Variants in NPAS3 observed in about 807,000 individuals in gnomAD.
NPAS3 encodes the protein neuronal PAS domain protein 3.
Under a neutral mutation model 73.1 loss-of-function variants are expected in NPAS3, and 14 were observed. That is an observed-to-expected ratio of 0.19 (90% confidence interval 0.13 to 0.30). NPAS3 has a LOEUF of 0.30. Ranked by LOEUF, NPAS3 falls within the 10% of genes least tolerant of loss-of-function variation. The pLI is 1.00. For missense variants in NPAS3, 1,096 were observed against 1,250.0 expected, an observed-to-expected ratio of 0.88 and a Z score of 1.86; for synonymous variants, 620 against 541.5, an observed-to-expected ratio of 1.14 and a Z score of -2.01.
intron 6 of NPAS3, among the ~76,000 whole-genome samples, chr14:33,723,982 C>T (rs750662909): frequency 4.6e-5 from 7 of 152,106 alleles, no homozygotes; most frequent in East Asian, 1.9e-4. Context: ...ATCTTTAGCA[C>T]GCGTAGCACG....
intron 2 of NPAS3, among the ~76,000 whole-genome samples, chr14:33,182,187 A>G (rs2045822244): frequency 6.6e-6 from 1 of 152,204 alleles, no homozygotes; most frequent in Non-Finnish European, 1.5e-5. Context: ...GAAGATGGCA[A>G]TTGTGTGTTA....
intron 3 of NPAS3, among the ~76,000 whole-genome samples, chr14:33,348,636 G>A (rs949907696): frequency 6.6e-6 from 1 of 152,124 alleles, no homozygotes; most frequent in African/African-American, 2.4e-5. Flanking sequence ...TTGGTAGAAT[G>A]TGGCAGAATT....
chr14:33,529,011 T>G (rs534607224), intron 4 of NPAS3, among the ~76,000 whole-genome samples: 1 of 152,180 alleles, frequency 6.6e-6, no homozygotes, highest in African/African-American at 2.4e-5. Context: ...GACTTCAAAT[T>G]TCTCCCTCTA....
chr14:33,111,795 A>T (rs1212427910), intron 2 of NPAS3, among the ~76,000 whole-genome samples: 1 of 151,408 alleles, frequency 6.6e-6, no homozygotes, highest in Non-Finnish European at 1.5e-5. Context: ...ATATCTCCTA[A>T]TGCTATCCCT....
At chr14:33,702,791 A>G (rs2060556702) in intron 6 of NPAS3, among the ~76,000 whole-genome samples, 1 of 152,182 alleles carries the variant, frequency 6.6e-6, no homozygotes. Flanking sequence ...AGCTCCCTGA[A>G]TGGCAAACTT....
intron 5 of NPAS3, among the ~76,000 whole-genome samples, chr14:33,674,779 G>C (rs1023834382): frequency 6.6e-6 from 1 of 152,164 alleles, no homozygotes; most frequent in Non-Finnish European, 1.5e-5. Context: ...ACTGAATTTA[G>C]CCTCCTGTTT....
At chr14:33,077,774 G>GTTTGTTTTTTT (rs1555333249) in intron 2 of NPAS3, among the ~76,000 whole-genome samples, 1 of 87,470 alleles carries the variant, frequency 1.1e-5, no homozygotes, top group African/African-American at 3.9e-5. Context: ...TGCAGTAAGG[G>GTTTGTTTTTTT]TTTTTTTTTT....
chr14:33,611,604 A>T, intron 5 of NPAS3, among the ~76,000 whole-genome samples: 1 of 152,194 alleles, frequency 6.6e-6, no homozygotes, highest in African/African-American at 2.4e-5. Flanking sequence ...GATACCAGTT[A>T]TTCACTCACA....
At chr14:33,031,626 G>A (rs1043226134) in intron 1 of NPAS3, among the ~76,000 whole-genome samples, 1 of 152,126 alleles carries the variant, frequency 6.6e-6, no homozygotes, top group Admixed American at 6.5e-5. Flanking sequence ...CTGAATAGCT[G>A]GGACCACACG....
At chr14:33,684,085 G>A (rs2060017592) in intron 6 of NPAS3, among the ~76,000 whole-genome samples, 1 of 152,084 alleles carries the variant, frequency 6.6e-6, no homozygotes, top group East Asian at 1.9e-4. Context: ...TGCAGCAGGT[G>A]GGAAGCCTAG....
chr14:33,319,280 T>C (rs1594680687), intron 3 of NPAS3, among the ~76,000 whole-genome samples: 2 of 152,216 alleles, frequency 1.3e-5, no homozygotes, highest in South Asian at 4.1e-4. Context: ...CCCTTTCTGT[T>C]GGTCAGAGCA....
rs10628639 is a variant in NPAS3, at chr14:32,977,047, A to AACACACAC, written c.50+37695_50+37702dup. On this transcript the variant is annotated intron_variant, in intron 1 of 11. Transcript: ENST00000356141. ...CTATAAAGTATTATCTGGTCAAGGT[A>AACACACAC]ACACACACACACACACACACATACA... Among the ~76,000 whole-genome samples the AACACACAC allele has an allele frequency of 5.4e-3, 811 of 149,378 alleles. 4 individuals are homozygous for AACACACAC. Among genetic ancestry groups the AACACACAC allele is most frequent in the African/African-American group, 0.016 (658 of 40,828 alleles).
intron 1 of NPAS3, among the ~76,000 whole-genome samples, chr14:33,022,087 G>T (rs1169028990): frequency 6.6e-6 from 1 of 152,146 alleles, no homozygotes; most frequent in East Asian, 1.9e-4. Context: ...CTGCATCTCT[G>T]TAGCCTCCTG....
chr14:33,269,668 CCAGCTCACGAGCATGACTT>C (rs1193012945), intron 3 of NPAS3, among the ~76,000 whole-genome samples: 1 of 152,130 alleles, frequency 6.6e-6, no homozygotes, highest in Non-Finnish European at 1.5e-5. Context: ...CAAAGAGGTT[CCAGCTCACGAGCATGACTT>C]CAGATGGCCT....
At chr14:33,168,027 GCTT>G (rs1186503556) in intron 2 of NPAS3, among the ~76,000 whole-genome samples, 1 of 152,108 alleles carries the variant, frequency 6.6e-6, no homozygotes, top group African/African-American at 2.4e-5. Flanking sequence ...AGTTTTTGTG[GCTT>G]GTTTTTTCAT....
At chr14:33,197,178 A>G (rs2046388022) in intron 2 of NPAS3, among the ~76,000 whole-genome samples, 1 of 151,922 alleles carries the variant, frequency 6.6e-6, no homozygotes, top group Non-Finnish European at 1.5e-5. Context: ...TGTATCGCAT[A>G]TACAGGGGTG....
chr14:32,937,815 T>C (rs1454243916), upstream of NPAS3, among the ~76,000 whole-genome samples: 1 of 152,214 alleles, frequency 6.6e-6, no homozygotes, highest in Admixed American at 6.5e-5. Context: ...GAGTCCTTTC[T>C]ACTTGCCTGG....
intron 3 of NPAS3, among the ~76,000 whole-genome samples, chr14:33,330,109 G>C (rs2043913612): frequency 6.6e-6 from 1 of 152,002 alleles, no homozygotes; most frequent in Non-Finnish European, 1.5e-5. Context: ...CAGGTGTGGT[G>C]GTGCGTGTCT....
chr14:33,186,638 C>T (rs1487998271), intron 2 of NPAS3, among the ~76,000 whole-genome samples: 1 of 152,192 alleles, frequency 6.6e-6, no homozygotes, highest in Non-Finnish European at 1.5e-5. Context: ...TGCATGGTAT[C>T]ACCGCTTGTT....
Sources: allele counts gnomAD v4.1 joint callset (sites outside exome capture counted in the v4.1 genomes callset), GRCh38; gene constraint gnomAD v4.1.1; transcripts MANE v1.5; gene names NCBI Gene and HGNC (gene_info 2026-07-23, HGNC 2026-07-21).